SNX24: variants seen among roughly 807,000 people sequenced by gnomAD.
SNX24 encodes the protein sorting nexin 24.
SNX24 carries 22 observed loss-of-function variants against 28.7 expected under a neutral mutation model. The observed-to-expected ratio is 0.77, with a 90% confidence interval of 0.55 to 1.10. The LOEUF (loss-of-function observed/expected upper bound fraction) is 1.10, where lower values mean the gene tolerates loss of function less well. Among genes scored for constraint, SNX24 ranks in the 50% least tolerant of loss-of-function variants. The probability of loss-of-function intolerance (pLI) is 0.00; values close to 1 mark genes in which losing one functional copy is unlikely to be tolerated. For missense variants in SNX24, 221 were observed against 201.1 expected, an observed-to-expected ratio of 1.10 and a Z score of -0.60; for synonymous variants, 69 against 71.5, an observed-to-expected ratio of 0.96 and a Z score of 0.18.
At chr5:122,973,487 C>G (rs1020439522) in intron 3 of SNX24, among the ~76,000 whole-genome samples, 1 of 152,194 alleles carries the variant, frequency 6.6e-6, no homozygotes, top group Non-Finnish European at 1.5e-5. Flanking sequence ...TTCCACTGAT[C>G]ATAGGGAACT....
At chr5:122,869,365 A>G (rs1755874688) in intron 1 of SNX24, among the ~76,000 whole-genome samples, 1 of 152,220 alleles carries the variant, frequency 6.6e-6, no homozygotes, top group Admixed American at 6.5e-5. Flanking sequence ...ACAGAATAAC[A>G]AATACTGGTT....
At chr5:123,002,535 G>A (rs1161954188) in intron 6 of SNX24, among the ~76,000 whole-genome samples, 1 of 152,208 alleles carries the variant, frequency 6.6e-6, no homozygotes, top group Non-Finnish European at 1.5e-5. Flanking sequence ...GGGAAGCTGA[G>A]GCAGGAGAAT....
intron 3 of SNX24, among the ~76,000 whole-genome samples, chr5:122,967,592 T>C (rs1270002609): frequency 6.6e-6 from 1 of 152,184 alleles, no homozygotes; most frequent in Non-Finnish European, 1.5e-5. Flanking sequence ...TGGATTAAGC[T>C]TTATTAATAT....
intron 1 of SNX24, among the ~76,000 whole-genome samples, chr5:122,916,113 C>T (rs1013451311): frequency 1.3e-5 from 2 of 152,214 alleles, no homozygotes; most frequent in African/African-American, 2.4e-5. Context: ...AATAAAGTAA[C>T]GTGAGCTAGA....
chr5:122,953,057 T>TCTTTCTTTCTTTCTTC lies in SNX24; in HGVS notation c.249+6909_249+6910insTCTTCCTTTCTTTCTT, dbSNP rs1554075534. On this transcript the variant is annotated intron_variant, in intron 3 of 6. Coordinates refer to ENST00000261369, the MANE Select transcript of SNX24 (RefSeq NM_014035.4). Reference sequence around the variant, plus strand: ...GGTTACACAATATAAGCGATTTCTTTCTTTCTTTCTTCCTTTCTTCCTTTT... The same window carrying TCTTTCTTTCTTTCTTC: ...GGTTACACAATATAAGCGATTTCTTTCTTTCTTTCTTTCTTCCTTTCTTTCTTCCTTTCTTCCTTTT... Among the ~76,000 whole-genome samples the TCTTTCTTTCTTTCTTC allele has an allele frequency of 4.8e-3, 714 of 150,066 alleles. 5 individuals carry two copies. Among genetic ancestry groups the TCTTTCTTTCTTTCTTC allele is most frequent in the African/African-American group, 0.017 (686 of 40,706 alleles).
chr5:122,862,685 G>GTT (rs71223071), intron 1 of SNX24, among the ~76,000 whole-genome samples: 3 of 143,302 alleles, frequency 2.1e-5, no homozygotes, highest in Non-Finnish European at 4.6e-5. Context: ...AACAAGGCAT[G>GTT]TTTTTTTTTT....
chr5:122,933,487 C>G (rs1759049462), intron 1 of SNX24, among the ~76,000 whole-genome samples: 1 of 152,226 alleles, frequency 6.6e-6, no homozygotes, highest in Non-Finnish European at 1.5e-5. Flanking sequence ...GGGTCCCCTT[C>G]CCTGGGCCTG....
At chr5:122,871,871 C>T (rs989905309) in intron 1 of SNX24, among the ~76,000 whole-genome samples, 3 of 152,124 alleles carry the variant, frequency 2.0e-5, no homozygotes, top group Non-Finnish European at 4.4e-5. Context: ...GACTTGATTC[C>T]ACATTCTGGC....
chr5:122,997,464 G>T (rs1418096755), intron 3 of SNX24, among the ~76,000 whole-genome samples: 1 of 152,188 alleles, frequency 6.6e-6, no homozygotes, highest in Non-Finnish European at 1.5e-5. Flanking sequence ...AGCTGAGCAG[G>T]ATTAATTCCC....
intron 1 of SNX24, among the ~76,000 whole-genome samples, chr5:122,869,706 C>G (rs765968818): frequency 1.3e-5 from 2 of 152,132 alleles, no homozygotes. Flanking sequence ...TATTGCTACG[C>G]TTTATCTCAT....
At chr5:122,852,563 G>A (rs1012989944) in intron 1 of SNX24, among the ~76,000 whole-genome samples, 5 of 151,892 alleles carry the variant, frequency 3.3e-5, no homozygotes, top group African/African-American at 7.3e-5. Context: ...GGCTGGTCTC[G>A]AACTTCTGCG....
At chr5:122,898,679 A>C (rs899294885) in intron 1 of SNX24, among the ~76,000 whole-genome samples, 1 of 152,252 alleles carries the variant, frequency 6.6e-6, no homozygotes, top group Non-Finnish European at 1.5e-5. Context: ...AATCAAAATA[A>C]ATATGGAAAA....
At chr5:122,889,680 T>C (rs953249487) in intron 1 of SNX24, among the ~76,000 whole-genome samples, 4 of 145,196 alleles carry the variant, frequency 2.8e-5, no homozygotes, top group Non-Finnish European at 4.5e-5. Flanking sequence ...TATATGTGTA[T>C]ATATATGTAT....
chr5:122,922,669 C>T (rs886159714), intron 1 of SNX24, among the ~76,000 whole-genome samples: 2 of 152,154 alleles, frequency 1.3e-5, no homozygotes, highest in Admixed American at 1.3e-4. Flanking sequence ...ATGCTGCCTT[C>T]TCTGAGCAGT....
chr5:122,895,132 T>A (rs187241806), intron 1 of SNX24, among the ~76,000 whole-genome samples: 1 of 152,002 alleles, frequency 6.6e-6, no homozygotes, highest in African/African-American at 2.4e-5. Flanking sequence ...TATTTAATGT[T>A]CACTCCTACA....
At chr5:123,017,040 T>C (rs1223521681) in intron 5 of SNX24, among the ~76,000 whole-genome samples, 3 of 152,106 alleles carry the variant, frequency 2.0e-5, no homozygotes, top group Non-Finnish European at 4.4e-5. Flanking sequence ...TCCAACTTTT[T>C]CCCCAGTTTA....
intron 5 of SNX24, among the ~76,000 whole-genome samples, chr5:123,021,656 C>T (rs1046433755): frequency 1.4e-4 from 21 of 152,150 alleles, no homozygotes; most frequent in South Asian, 4.1e-4. Flanking sequence ...AATTCTTAGA[C>T]GCAGAGCATC....
At chr5:123,001,738 A>G (rs1475583163) in intron 5 of SNX24, among the ~76,000 whole-genome samples, 1 of 152,210 alleles carries the variant, frequency 6.6e-6, no homozygotes, top group Non-Finnish European at 1.5e-5. Context: ...TTTGCTTCAA[A>G]TTCCACAAAG....
intron 3 of SNX24, among the ~76,000 whole-genome samples, chr5:122,979,209 C>A (rs781260815): frequency 3.3e-5 from 5 of 152,150 alleles, no homozygotes; most frequent in Non-Finnish European, 7.4e-5. Flanking sequence ...TGTTGTTTTG[C>A]ATATTTTATT....
Sources: gnomAD v4.1 joint callset for allele counts (sites outside exome capture counted in the v4.1 genomes callset) on GRCh38, gnomAD v4.1.1 for gene constraint, MANE v1.5 for transcripts, NCBI Gene and HGNC (gene_info 2026-07-23, HGNC 2026-07-21) for gene names.